GPATCH8: variants seen among roughly 807,000 people sequenced by gnomAD.
GPATCH8 encodes G patch domain-containing protein 8.
In GPATCH8, 18 loss-of-function variants were observed where a neutral mutation model predicts 118.3. The observed-to-expected ratio is 0.15, with a 90% CI of 0.11 to 0.23. The LOEUF is 0.23. GPATCH8 is among the 10% of genes least tolerant of loss of function. The pLI, the probability that GPATCH8 is intolerant of heterozygous loss-of-function variation, is 1.00. For missense variants in GPATCH8, 1,631 were observed against 1,873.8 expected, an observed-to-expected ratio of 0.87 and a Z score of 2.39; for synonymous variants, 659 against 684.7, an observed-to-expected ratio of 0.96 and a Z score of 0.59.
intron 3 of GPATCH8, among the ~76,000 whole-genome samples, chr17:44,461,747 G>A (rs901479693): frequency 6.6e-6 from 1 of 152,146 alleles, no homozygotes; most frequent in African/African-American, 2.4e-5. Flanking sequence ...AGGCTAGAGC[G>A]TAGTGGTGCG....
At chr17:44,495,106 G>A (rs1008723686) in intron 1 of GPATCH8, among the ~76,000 whole-genome samples, 8 of 152,046 alleles carry the variant, frequency 5.3e-5, no homozygotes, top group Non-Finnish European at 1.0e-4. Flanking sequence ...AGGCCAAGGC[G>A]GGCAGATCAC....
chr17:44,398,072 A>C lies in GPATCH8; in HGVS notation c.4005T>G (p.Leu1335=). The C allele has an allele frequency of 6.2e-7, 1 of 1,614,086 alleles. No homozygotes were observed. Among genetic ancestry groups the C allele is most frequent in the South Asian group, 1.1e-5 (1 of 91,078 alleles). ...GAAAGGCCTTTACTTGCTTGGCCAG[A>C]AGCTGCTGCTGGATGTGTTGCTGAG... is the stretch of plus-strand genomic sequence containing the variant. The part of the protein sequence containing the change: ...QAAQQHIQQQ[L]LAKQVKAFPA... The change falls in exon 8 of 8, where the codon CTT becomes CTG. Residue 1335 remains leucine, a synonymous_variant. Coordinates refer to ENST00000591680, the MANE Select transcript of GPATCH8 (RefSeq NM_001002909.4).
At position 44,398,431 on chromosome 17, in the gene GPATCH8, T is replaced by C; in HGVS notation, c.3646A>G (p.Thr1216Ala). The change falls in exon 8 of 8, where the codon ACT (threonine) becomes GCT (alanine). Residue 1216 changes from threonine (T) to alanine (A), a missense_variant. Transcript: ENST00000591680. ...PPEESKSGEA[T>A]ADHPVAPLGT... ...AGTGGAGCCACAGGGTGATCAGCAG[T>C]AGCTTCTCCAGACTTTGACTCTTCT... The C allele has an allele frequency of 6.2e-7, 1 of 1,613,728 alleles. No homozygotes were observed. The highest frequency in any genetic ancestry group is 8.5e-7 in the Non-Finnish European group (1 of 1,179,780).
chr17:44,434,825 G>A (rs779900997), intron 5 of GPATCH8, among the ~76,000 whole-genome samples: 5 of 152,182 alleles, frequency 3.3e-5, no homozygotes, highest in African/African-American at 4.8e-5. Flanking sequence ...CAGGCATTGT[G>A]TTTTCAAACA....
chr17:44,446,067 G>A (rs977792453), intron 3 of GPATCH8: 2 of 151,828 alleles, frequency 1.3e-5, no homozygotes, highest in Admixed American at 1.3e-4. Flanking sequence ...AGCCTCCTAA[G>A]TAGCTAGGAC....
In GPATCH8 at chr17:44,398,598, T is replaced by G; in HGVS notation, c.3479A>C (p.Lys1160Thr). 6.4e-7 allele frequency: 1 copy of G among 1,552,610 alleles called. No homozygotes were observed. The highest frequency in any genetic ancestry group is 8.7e-7 in the Non-Finnish European group (1 of 1,153,780). ...CCTTTCCAAGCCAGACTCTTCACAC[T>G]TCTTATTGGGCTTTCGGGTAGCTGG... Reference protein sequence around the residue: ...KLPATRKPNKKCEESGLERGE... With the variant: ...KLPATRKPNKTCEESGLERGE... Residue 1160 changes from lysine to threonine, a missense_variant, in exon 8 of 8, where the codon AAG (lysine) becomes ACG (threonine). Lys to Thr is a moderately conservative substitution (Grantham distance 78, BLOSUM62 -1). Around this residue, in one of 8 missense-constraint regions of GPATCH8, gnomAD observed 922 missense variants for 879.7 expected, o/e 1.05. Transcript: ENST00000591680.
intron 4 of GPATCH8, 102 bp downstream of exon 4, chr17:44,436,376 C>G: frequency 1.3e-6 from 1 of 744,894 alleles, no homozygotes; most frequent in Admixed American, 1.8e-5. Flanking sequence ...ATTAAAACTA[C>G]ATTTCATCTG....
chr17:44,483,784 A>G (rs7503804), intron 1 of GPATCH8, among the ~76,000 whole-genome samples: 91,286 of 151,614 alleles, frequency 0.6, 27,675 homozygotes, highest in Middle Eastern at 0.67. Context: ...TGGTATTACA[A>G]GCATGCACTA....
intron 3 of GPATCH8, among the ~76,000 whole-genome samples, chr17:44,441,310 T>C (rs1446983649): frequency 6.6e-6 from 1 of 152,238 alleles, no homozygotes; most frequent in African/African-American, 2.4e-5. Flanking sequence ...TCTACAGTGA[T>C]TAAAACACTG....
At chr17:44,501,088 C>G (rs1970026011) in intron 1 of GPATCH8, among the ~76,000 whole-genome samples, 1 of 152,112 alleles carries the variant, frequency 6.6e-6, no homozygotes, top group African/African-American at 2.4e-5. Context: ...TCCCAATACC[C>G]TATTTACCCA....
chr17:44,440,331 T>G lies in GPATCH8; in HGVS notation c.194-3786A>C, dbSNP rs569467064. Among the ~76,000 whole-genome samples, 5 of 152,314 alleles carry G rather than the reference T, an allele frequency of 3.3e-5. No individual in the cohort carries two copies. In the East Asian group the frequency reaches 9.6e-4, roughly 29 times the overall value. On this transcript the variant is annotated intron_variant, in intron 3 of 7. Transcript: ENST00000591680. ...GGAAACACATGCAAAATCAAGAATATGCCAATATCAATGTATTAATCTGAT... is the reference window on the plus strand; with the variant it reads ...GGAAACACATGCAAAATCAAGAATAGGCCAATATCAATGTATTAATCTGAT...
intron 3 of GPATCH8, among the ~76,000 whole-genome samples, chr17:44,455,801 G>A (rs2088841925): frequency 6.6e-6 from 1 of 152,214 alleles, no homozygotes; most frequent in Non-Finnish European, 1.5e-5. Flanking sequence ...AGGCTGGAGT[G>A]CATTGGCATG....
intron 1 of GPATCH8, among the ~76,000 whole-genome samples, chr17:44,488,031 TC>T (rs1338051442): frequency 4.9e-5 from 5 of 101,482 alleles, no homozygotes; most frequent in South Asian, 3.0e-4. Flanking sequence ...CAAGCGATTC[TC>T]CTGCCTCAGC....
chr17:44,418,206 G>A (rs1250981879), intron 6 of GPATCH8, among the ~76,000 whole-genome samples: 1 of 151,964 alleles, frequency 6.6e-6, no homozygotes, highest in Non-Finnish European at 1.5e-5. Flanking sequence ...AAGGAGGATT[G>A]ACTATAAAGG....
At chr17:44,472,273 A>G (rs1245623817) in intron 2 of GPATCH8, among the ~76,000 whole-genome samples, 2 of 152,224 alleles carry the variant, frequency 1.3e-5, no homozygotes, top group Non-Finnish European at 2.9e-5. Context: ...AAGGCATATT[A>G]TCAATTCTAC....
intron 5 of GPATCH8, among the ~76,000 whole-genome samples, chr17:44,432,560 G>A (rs1000960862): frequency 2.6e-5 from 4 of 152,196 alleles, no homozygotes; most frequent in Non-Finnish European, 5.9e-5. Context: ...TAACGGGACA[G>A]GCTTTTGGTG....
At chr17:44,431,101 T>C (rs2050294770) in intron 5 of GPATCH8, among the ~76,000 whole-genome samples, 1 of 151,786 alleles carries the variant, frequency 6.6e-6, no homozygotes, top group Non-Finnish European at 1.5e-5. Context: ...CCAGGCACAG[T>C]GGCTCACGCC....
At chr17:44,475,397 AAAG>A (rs1967672246) in intron 1 of GPATCH8, among the ~76,000 whole-genome samples, 1 of 146,146 alleles carries the variant, frequency 6.8e-6, no homozygotes, top group South Asian at 2.2e-4. Context: ...AAAAAAAAAA[AAAG>A]AAAAAACTTT....
At position 44,405,996 on chromosome 17, in the gene GPATCH8, C is replaced by T; in HGVS notation, c.548G>A (p.Arg183His). Residue 183 changes from arginine (R) to histidine (H), a missense_variant, in exon 7 of 8, where the codon CGC (arginine) becomes CAC (histidine). Arg to His is a conservative substitution (Grantham distance 29, BLOSUM62 0). Transcript: ENST00000591680. ...TTTTTCCTGTTTTTTCTCATCCTTG[C>T]GGGATCTTGAAGAGACATTTCGAGC... ...EFARNVSSRS[R>H]KDEKKQEKAL... The T allele has an allele frequency of 5.6e-6, 9 of 1,607,866 alleles. No individual in the cohort carries two copies. The highest frequency in any genetic ancestry group is 1.7e-5 in the Admixed American group (1 of 60,016).
Sources: gnomAD v4.1 joint callset for allele counts (sites outside exome capture counted in the v4.1 genomes callset) on GRCh38, gnomAD v4.1.1 for gene constraint, gnomAD v4.1.1 regional missense constraint, MANE v1.5 for transcripts, NCBI Gene and HGNC (gene_info 2026-07-23, HGNC 2026-07-21) for gene names.